DYDC1: variants seen among roughly 807,000 people sequenced by gnomAD.
The protein encoded by DYDC1 is DPY30 domain-containing protein 1.
DYDC1 carries 21 observed loss-of-function variants against 27.9 expected under a neutral mutation model. The ratio of observed to expected loss-of-function variants is 0.75; its 90% confidence interval spans 0.53 to 1.08. The LOEUF is 1.08. DYDC1 is among the 50% of genes least tolerant of loss of function. The pLI, the probability that DYDC1 is intolerant of heterozygous loss-of-function variation, is 0.00. For missense variants in DYDC1, 202 were observed against 205.9 expected (o/e 0.98, Z 0.12); for synonymous variants, 67 against 65.8 (o/e 1.02, Z -0.09).
intron 1 of DYDC1, 183 bp downstream of exon 1, chr10:80,356,529 G>T: frequency 1.0e-6 from 1 of 985,498 alleles, no homozygotes; most frequent in Non-Finnish European, 1.2e-6. Context: ...TCCCCGCTCA[G>T]GGGGAGCAGG....
rs113471209 is a variant in DYDC1, at chr10:80,338,667, A to G, written c.400-96T>C. On this transcript the variant is annotated intron_variant, in intron 5 of 6. Coordinates refer to ENST00000372202, the MANE Select transcript of DYDC1 (RefSeq NM_001269053.2). Reference sequence around the variant, plus strand: ...GATTAAAAATTTTCTGATTTATAACATTAAAATTCAACATTATTAATTAGT... The same window carrying G: ...GATTAAAAATTTTCTGATTTATAACGTTAAAATTCAACATTATTAATTAGT... 3.6e-3 allele frequency: 4,491 copies of G among 1,249,990 alleles called. 159 individuals are homozygous for G. The African/African-American group carries it at 0.063, about 18-fold the overall frequency. 77.4% of individuals were successfully genotyped at this position (1,249,990 alleles called of 1,614,324 possible).
chr10:80,354,189 A>C (rs1192767433), intron 1 of DYDC1, among the ~76,000 whole-genome samples: 1 of 151,242 alleles, frequency 6.6e-6, no homozygotes, highest in Non-Finnish European at 1.5e-5. Flanking sequence ...TGTTAAACAA[A>C]TGTATAATGA....
intron 3 of DYDC1, among the ~76,000 whole-genome samples, chr10:80,349,966 C>A (rs761121525): frequency 6.6e-6 from 1 of 152,176 alleles, no homozygotes; most frequent in Non-Finnish European, 1.5e-5. Flanking sequence ...ATGAGGACAA[C>A]TGCTTTTGCA....
chr10:80,355,058 T>C (rs1232147540), intron 1 of DYDC1, among the ~76,000 whole-genome samples: 2 of 150,708 alleles, frequency 1.3e-5, no homozygotes, highest in Non-Finnish European at 3.0e-5. Flanking sequence ...AAAAAAAGCT[T>C]CTTTGGGGGT....
In DYDC1 at chr10:80,356,715, T is replaced by C; in HGVS notation, c.-13A>G. The C allele has an allele frequency of 3.0e-6, 3 of 984,918 alleles. No homozygotes were observed. The highest frequency in any genetic ancestry group is 3.6e-6 in the Non-Finnish European group (3 of 829,518). 61.0% of individuals were successfully genotyped at this position (984,918 alleles called of 1,614,324 possible). On this transcript the variant is annotated 5_prime_UTR_variant, in exon 1 of 7. Transcript: ENST00000372202. ...CGGGCCTTTCCGGTGCGCTCACCCC[T>C]ACACACGCGCCTGCTCGCCACCCAG... is the stretch of plus-strand genomic sequence containing the variant.
intron 4 of DYDC1, among the ~76,000 whole-genome samples, 197 bp from the exon 5 acceptor site, chr10:80,339,350 A>C (rs1842240208): frequency 6.6e-6 from 1 of 152,236 alleles, no homozygotes. Context: ...TACTAATAGA[A>C]GGCAACCATG....
chr10:80,342,452 A>G lies in DYDC1; in HGVS notation c.250-91T>C, dbSNP rs977805139. On this transcript the variant is annotated intron_variant, in intron 3 of 6. Coordinates refer to ENST00000372202, the MANE Select transcript of DYDC1 (RefSeq NM_001269053.2). ...CCTTCATTTCAGAAACTTACAATACATGGTCACATCCAACTAATACTTTAG... is the reference window on the plus strand; with the variant it reads ...CCTTCATTTCAGAAACTTACAATACGTGGTCACATCCAACTAATACTTTAG... 2.4e-5 allele frequency: 28 copies of G among 1,177,602 alleles called. No individual in the cohort carries two copies. In the African/African-American group the frequency reaches 4.3e-4, roughly 18 times the overall value. 72.9% of individuals were successfully genotyped at this position (1,177,602 alleles called of 1,614,324 possible).
chr10:80,337,396 G>C (rs1842169531), intron 6 of DYDC1: 1 of 985,318 alleles, frequency 1.0e-6, no homozygotes, highest in African/African-American at 1.7e-5. Context: ...TTTCTGAACA[G>C]CTCTTGAAAA....
At position 80,352,606 on chromosome 10, in the gene DYDC1, A is replaced by G; in HGVS notation, c.-5T>C. The G allele has an allele frequency of 6.3e-7, 1 of 1,595,246 alleles. No homozygotes were observed. On this transcript the variant is annotated 5_prime_UTR_variant, in exon 2 of 7. Transcript: ENST00000372202. ...TTGAAGATATATTGACTCCATTTCT[A>G]ACTCCTAAAAAGTAAGTGTTTTTGC...
At chr10:80,343,151 A>G (rs1441042434) in intron 3 of DYDC1, among the ~76,000 whole-genome samples, 2 of 152,214 alleles carry the variant, frequency 1.3e-5, no homozygotes, top group Non-Finnish European at 2.9e-5. Context: ...GCTTACAAAG[A>G]AAGAATGGCT....
chr10:80,337,133 C>A (rs1451679838), intron 6 of DYDC1: 1 of 985,406 alleles, frequency 1.0e-6, no homozygotes, highest in African/African-American at 1.7e-5. Flanking sequence ...AAGCATTTTG[C>A]TGTCTCTTTC....
intron 1 of DYDC1, among the ~76,000 whole-genome samples, chr10:80,353,973 G>A (rs562480655): frequency 1.3e-5 from 2 of 152,146 alleles, no homozygotes; most frequent in African/African-American, 4.8e-5. Context: ...CAAATTAGCT[G>A]GGCGTGGTGG....
chr10:80,336,785 C>G (rs1056812300), intron 6 of DYDC1, among the ~76,000 whole-genome samples: 1 of 152,164 alleles, frequency 6.6e-6, no homozygotes, highest in African/African-American at 2.4e-5. Flanking sequence ...GACCCTGCCC[C>G]GCACTGATCC....
rs1843059394 is a variant in DYDC1 at position 80,352,514 on chromosome 10, T to C, written c.88A>G (p.Ile30Val). The C allele has an allele frequency of 6.2e-7, 1 of 1,613,572 alleles. No homozygotes were observed. Among genetic ancestry groups the C allele is most frequent in the Non-Finnish European group, 8.5e-7 (1 of 1,179,882 alleles). Residue 30 changes from isoleucine to valine, a missense_variant, in exon 2 of 7, where the codon ATA (isoleucine) becomes GTA (valine). By Grantham distance (29) the Ile-to-Val change is conservative. Coordinates refer to ENST00000372202, the MANE Select transcript of DYDC1 (RefSeq NM_001269053.2). ...EVARVRPVDP[I>V]EYLALWIYKY... ...TAAATCCACAATGCTAAATATTCTA[T>C]CGGATCCACTGGGCGAACTCTTGCC...
rs1843368766 is a variant in DYDC1 at position 80,356,386 on chromosome 10, C to A, written c.-10+326G>T. The A allele has an allele frequency of 4.1e-6, 4 of 985,638 alleles. No homozygotes were observed. In the South Asian group the frequency reaches 1.4e-4, roughly 35 times the overall value. 61.1% of individuals were successfully genotyped at this position (985,638 alleles called of 1,614,324 possible). The stretch of plus-strand genomic sequence containing the variant: ...GGGAGACAGCTAGCCAGCCAGCCAG[C>A]CAACTGGGCGGGGGCACCCGGGCAG... On this transcript the variant is annotated intron_variant, in intron 1 of 6. Transcript: ENST00000372202.
chr10:80,349,853 C>T (rs916458162), intron 3 of DYDC1, among the ~76,000 whole-genome samples: 6 of 152,186 alleles, frequency 3.9e-5, no homozygotes, highest in Non-Finnish European at 5.9e-5. Context: ...AAACTAAGCT[C>T]TTACATAGAA....
intron 1 of DYDC1, among the ~76,000 whole-genome samples, chr10:80,355,054 A>AT (rs1160556457): frequency 2.0e-5 from 3 of 151,776 alleles, no homozygotes; most frequent in African/African-American, 7.3e-5. Context: ...GTAAAAAAAA[A>AT]GCTTCTTTGG....
At chr10:80,339,528 A>G (rs1315893471) in intron 4 of DYDC1, among the ~76,000 whole-genome samples, 1 of 152,216 alleles carries the variant, frequency 6.6e-6, no homozygotes. Flanking sequence ...AGTTTTGCAC[A>G]TACCGAGAAA....
Position 80,341,442 on chromosome 10 carries a change from C to CAAA in DYDC1, c.342+824_342+826dup, listed in dbSNP as rs58419721. ...TGGGTGACAGAGTGAGACTCTGTCT[C>CAAA]AAAAAAAAAAAAAAAAAAAAAAGAA... is the stretch of plus-strand genomic sequence containing the variant. On this transcript the variant is annotated intron_variant, in intron 4 of 6. Coordinates refer to ENST00000372202, the MANE Select transcript of DYDC1 (RefSeq NM_001269053.2). Among the ~76,000 whole-genome samples the CAAA allele has an allele frequency of 1.2e-3, 58 of 46,652 alleles. 1 individual carries two copies. The highest frequency in any genetic ancestry group is 2.4e-3 in the African/African-American group (29 of 11,874). The allele number at this position is 46,652 out of a possible 152,430, so 30.6% of individuals were successfully genotyped here. A position where few individuals can be genotyped will look rare whatever the true frequency, so the allele number is the denominator to read the frequency against.
Sources: allele counts gnomAD v4.1 joint callset (sites outside exome capture counted in the v4.1 genomes callset), GRCh38; gene constraint gnomAD v4.1.1; transcripts MANE v1.5; gene names NCBI Gene and HGNC (gene_info 2026-07-23, HGNC 2026-07-21).